The following RBM33 variants were observed in gnomAD, a reference collection of about 807,000 sequenced individuals.
RBM33 encodes the protein RNA binding motif protein 33.
In RBM33, 28 loss-of-function variants were observed where a neutral mutation model predicts 132.6. The observed-to-expected ratio is 0.21, with a 90% CI of 0.16 to 0.29. The LOEUF (loss-of-function observed/expected upper bound fraction) is 0.29, where lower values mean the gene tolerates loss of function less well. RBM33 is among the 10% of genes least tolerant of loss of function. RBM33 has a pLI of 1.00. For missense variants in RBM33, 1,291 were observed against 1,518.5 expected (o/e 0.85, Z 2.49); for synonymous variants, 634 against 593.0 (o/e 1.07, Z -1.01).
chr7:155,738,242 C>A lies in RBM33; in HGVS notation c.1576C>A (p.Arg526=). The A allele has an allele frequency of 6.2e-7, 1 of 1,614,004 alleles. No homozygotes were observed. The highest frequency in any genetic ancestry group is 1.1e-5 in the South Asian group (1 of 91,082). The change falls in exon 11 of 18, where the codon CGG becomes AGG. Residue 526 remains arginine (R), a synonymous_variant. Transcript: ENST00000401878. The stretch of plus-strand genomic sequence containing the variant: ...ACAGCAGCCAGTGTTCCCAAGAGAG[C>A]GGCCCGTACGACCAGCCTTGCAGCC... ...QGQQPVFPRE[R]PVRPALQPPG...
Position 155,753,794 on chromosome 7 carries a change from G to T in RBM33, c.2979+8192G>T, listed in dbSNP as rs191024182. On this transcript the variant is annotated intron_variant, in intron 14 of 17. Coordinates refer to ENST00000401878, the MANE Select transcript of RBM33 (RefSeq NM_053043.3). Reference sequence around the variant, plus strand: ...TGGAGGCGCGGGGCAGGCACCTCATGCCTGCCAAGTTGGCTGGGTGGAGTT... The same window carrying T: ...TGGAGGCGCGGGGCAGGCACCTCATTCCTGCCAAGTTGGCTGGGTGGAGTT... Among the ~76,000 whole-genome samples, 15 of 152,344 alleles carry T rather than the reference G, an allele frequency of 9.8e-5. No homozygotes were observed. The East Asian group carries it at 2.9e-3, about 29-fold the overall frequency.
At chr7:155,748,957 GCT>G (rs1801608976) in intron 14 of RBM33, among the ~76,000 whole-genome samples, 2 of 152,140 alleles carry the variant, frequency 1.3e-5, no homozygotes, top group Non-Finnish European at 2.9e-5. Context: ...GCCGTTGGCT[GCT>G]CTGAAATTTC....
At chr7:155,683,521 A>T (rs1015263213) in intron 5 of RBM33, among the ~76,000 whole-genome samples, 11 of 152,170 alleles carry the variant, frequency 7.2e-5, no homozygotes, top group African/African-American at 2.4e-4. Context: ...TTTGGTGCAT[A>T]ACAGGGAGTA....
Position 155,695,932 on chromosome 7 carries a change from G to A in RBM33, c.568-4841G>A, listed in dbSNP as rs536351092. Among the ~76,000 whole-genome samples, 245 of 151,850 alleles carry A rather than the reference G, an allele frequency of 1.6e-3. 4 individuals are homozygous for A. Among genetic ancestry groups the A allele is most frequent in the African/African-American group, 5.5e-3 (227 of 41,502 alleles). On this transcript the variant is annotated intron_variant, in intron 5 of 17. Transcript: ENST00000401878. ...GATTATGATCTATCTCAATATGTGC[G>A]CACGTGTGTGTGTGTGTGTGGTATG...
At chr7:155,768,979 A>T (rs1585551107) in intron 16 of RBM33, among the ~76,000 whole-genome samples, 1 of 152,194 alleles carries the variant, frequency 6.6e-6, no homozygotes, top group East Asian at 1.9e-4. Flanking sequence ...TGTAGCAGTG[A>T]TGTGGTAGCC....
Position 155,706,692 on chromosome 7 carries a change from T to TGAC in RBM33, c.740-167_740-166insACG, listed in dbSNP as rs1490560004. 2.5e-4 allele frequency: 146 copies of TGAC among 593,132 alleles called. 1 individual carries two copies. In the South Asian group the frequency reaches 2.9e-3, roughly 12 times the overall value. 36.7% of individuals were successfully genotyped at this position (593,132 alleles called of 1,614,324 possible). On this transcript the variant is annotated intron_variant, in intron 6 of 17. Transcript: ENST00000401878. ...TATCAGATCTCACTAGTGGGTTGTGTGTGTTGCTGGTTGTATCGTACTTGC... is the reference window on the plus strand; with the variant it reads ...TATCAGATCTCACTAGTGGGTTGTGTGACGTGTTGCTGGTTGTATCGTACTTGC...
chr7:155,685,491 A>C (rs1404884859), intron 5 of RBM33, among the ~76,000 whole-genome samples: 1 of 152,162 alleles, frequency 6.6e-6, no homozygotes, highest in African/African-American at 2.4e-5. Context: ...TATAGGAGAG[A>C]AAAAAGACCT....
At chr7:155,766,689 T>G (rs752830761) in intron 16 of RBM33, 34 bp downstream of exon 16, 1 of 1,580,244 alleles carries the variant, frequency 6.3e-7, no homozygotes. Flanking sequence ...GTGCCACGGG[T>G]AGTTGTGTCC....
At chr7:155,665,922 T>C (rs1352169293) in intron 2 of RBM33, among the ~76,000 whole-genome samples, 1 of 152,246 alleles carries the variant, frequency 6.6e-6, no homozygotes, top group East Asian at 1.9e-4. Flanking sequence ...CCTTAAATAC[T>C]GTGTTGAGAA....
chr7:155,745,558 C>T lies in RBM33; in HGVS notation c.2935C>T (p.Pro979Ser), dbSNP rs200823945. ...GACAAACAGTGGTGGTGGAGACGGG[C>T]CCCACATCAGCTCCAAGGTCAGGGT... Reference protein sequence around the residue: ...HRTNSGGGDGPHISSKVRVIK... With the variant: ...HRTNSGGGDGSHISSKVRVIK... Residue 979 changes from proline to serine, a missense_variant, in exon 14 of 18, where the codon CCC becomes TCC. Transcript: ENST00000401878. This position sits in a 1 kb window ranked among gnomAD's most constrained non-coding sequence, Gnocchi z 4.1. The T allele has an allele frequency of 1.9e-6, 3 of 1,607,926 alleles. No homozygotes were observed. Among genetic ancestry groups the T allele is most frequent in the African/African-American group, 2.7e-5 (2 of 74,916 alleles).
At chr7:155,677,803 CT>C (rs1799225281) in intron 3 of RBM33, among the ~76,000 whole-genome samples, 1 of 152,254 alleles carries the variant, frequency 6.6e-6, no homozygotes, top group South Asian at 2.1e-4. Context: ...TCTGTCTTTA[CT>C]TTTTAAGAAT....
intron 9 of RBM33, among the ~76,000 whole-genome samples, chr7:155,720,316 G>T (rs1049119685): frequency 6.6e-6 from 1 of 152,122 alleles, no homozygotes; most frequent in Admixed American, 6.5e-5. Flanking sequence ...GGGGTATAGC[G>T]CGTGCAGTGC....
chr7:155,661,128 G>GTATATA (rs1241148227), intron 1 of RBM33, among the ~76,000 whole-genome samples: 2 of 82,152 alleles, frequency 2.4e-5, no homozygotes, highest in African/African-American at 1.0e-4. Flanking sequence ...GTGTGTGTGT[G>GTATATA]TGTATATATA....
chr7:155,696,921 A>T (rs1156663847), intron 5 of RBM33, among the ~76,000 whole-genome samples: 8 of 152,004 alleles, frequency 5.3e-5, no homozygotes, highest in Admixed American at 1.3e-4. Flanking sequence ...AGTTTGTTTG[A>T]CGCTTTTTTC....
chr7:155,686,657 G>A (rs1275881123), intron 5 of RBM33, among the ~76,000 whole-genome samples: 4 of 151,966 alleles, frequency 2.6e-5, no homozygotes, highest in Non-Finnish European at 5.9e-5. Flanking sequence ...AGGCCCTGGT[G>A]TGTGATATTC....
intron 14 of RBM33, among the ~76,000 whole-genome samples, chr7:155,759,662 A>G (rs906041956): frequency 6.6e-6 from 1 of 151,680 alleles, no homozygotes; most frequent in Non-Finnish European, 1.5e-5. Context: ...CTCGTGATCC[A>G]CCCGCCTCGG....
chr7:155,703,345 C>T (rs1423017699), intron 6 of RBM33, among the ~76,000 whole-genome samples: 1 of 152,076 alleles, frequency 6.6e-6, no homozygotes, highest in African/African-American at 2.4e-5. Flanking sequence ...TGGGCAAGTC[C>T]TCTCCTTGGA....
chr7:155,652,381 C>A (rs762392559), intron 1 of RBM33, among the ~76,000 whole-genome samples: 1 of 152,216 alleles, frequency 6.6e-6, no homozygotes, highest in African/African-American at 2.4e-5. Context: ...TTTACATACA[C>A]GGGTGGTAGC....
At chr7:155,691,637 A>G (rs1455323082) in intron 5 of RBM33, among the ~76,000 whole-genome samples, 1 of 152,236 alleles carries the variant, frequency 6.6e-6, no homozygotes, top group Non-Finnish European at 1.5e-5. Context: ...GCAGTTAAAG[A>G]ATGTTAACAA....
Sources: gnomAD v4.1 joint callset for allele counts (sites outside exome capture counted in the v4.1 genomes callset) on GRCh38, gnomAD v4.1.1 for gene constraint, Gnocchi (gnomAD v3.1) non-coding constraint, MANE v1.5 for transcripts, NCBI Gene and HGNC (gene_info 2026-07-23, HGNC 2026-07-21) for gene names.